The following TENM3 variants were observed in gnomAD, a reference collection of about 807,000 sequenced individuals.
TENM3 encodes teneurin transmembrane protein 3.
In TENM3, 63 loss-of-function variants were observed where a neutral mutation model predicts 255.1. The ratio of observed to expected loss-of-function variants is 0.25; its 90% CI spans 0.20 to 0.30. The LOEUF (loss-of-function observed/expected upper bound fraction) is 0.30, where lower values mean the gene tolerates loss of function less well. Ranked by LOEUF, TENM3 falls within the 10% of genes least tolerant of loss-of-function variation. TENM3 has a pLI of 1.00. For synonymous variants in TENM3, 1,306 were observed against 1,322.3 expected (o/e 0.99, Z 0.27); for missense variants, 2,929 against 3,461.1 (o/e 0.85, Z 3.86).
At chr4:181,460,072 G>C in the TENM3 span, among the ~76,000 whole-genome samples, 1 of 151,616 alleles carries the variant, frequency 6.6e-6, no homozygotes, top group African/African-American at 2.4e-5. Context: ...CATGACATTC[G>C]TTGCTACTTT....
chr4:182,630,994 G>A lies in TENM3; in HGVS notation c.988+2105G>A, dbSNP rs1000069196. ...AATGTGAGATCAGTCACTGTTACCTGTGAGACTTGTACTCTTTTTAAGGAC... is the reference window on the plus strand; with the variant it reads ...AATGTGAGATCAGTCACTGTTACCTATGAGACTTGTACTCTTTTTAAGGAC... On this transcript the variant is annotated intron_variant, in intron 5 of 27. Transcript: ENST00000511685. Among the ~76,000 whole-genome samples, 5 of 152,066 alleles carry A rather than the reference G, an allele frequency of 3.3e-5. No individual in the cohort carries two copies. The South Asian group carries it at 8.3e-4, about 25-fold the overall frequency.
At chr4:182,431,681 G>T (rs556527064) in intron 3 of TENM3, among the ~76,000 whole-genome samples, 1 of 152,236 alleles carries the variant, frequency 6.6e-6, no homozygotes, top group East Asian at 1.9e-4. Flanking sequence ...TGCCTGCAGG[G>T]GTCAGGGTGG....
chr4:182,666,429 T>A (rs1754686435), intron 6 of TENM3, among the ~76,000 whole-genome samples: 1 of 152,202 alleles, frequency 6.6e-6, no homozygotes, highest in Non-Finnish European at 1.5e-5. Flanking sequence ...TATTGTCTTA[T>A]TTTAAGAAAT....
At chr4:182,414,103 T>C (rs1770200292) in intron 3 of TENM3, among the ~76,000 whole-genome samples, 1 of 152,232 alleles carries the variant, frequency 6.6e-6, no homozygotes, top group African/African-American at 2.4e-5. Flanking sequence ...TTCTTCCAAA[T>C]TTAGTTTCTA....
At chr4:182,008,214 T>G in the TENM3 span, among the ~76,000 whole-genome samples, 1 of 152,118 alleles carries the variant, frequency 6.6e-6, no homozygotes, top group African/African-American at 2.4e-5. Flanking sequence ...GGGTTGATCT[T>G]CTCGTGGAGT....
At chr4:181,773,614 C>T in the TENM3 span, among the ~76,000 whole-genome samples, 1 of 152,198 alleles carries the variant, frequency 6.6e-6, no homozygotes, top group Non-Finnish European at 1.5e-5. Context: ...TCTCTCCACA[C>T]CACCAGTACT....
At chr4:182,508,634 A>C (rs1293296154) in intron 3 of TENM3, among the ~76,000 whole-genome samples, 1 of 152,222 alleles carries the variant, frequency 6.6e-6, no homozygotes, top group Non-Finnish European at 1.5e-5. Flanking sequence ...ATTCTGATAT[A>C]ATGATATGCA....
chr4:181,965,944 C>T, the TENM3 span, among the ~76,000 whole-genome samples: 11 of 152,162 alleles, frequency 7.2e-5, no homozygotes, highest in African/African-American at 2.7e-4. Flanking sequence ...AGGTCCCTGT[C>T]CTTTCACCTT....
At chr4:182,274,280 TAAAG>T (rs1270358872) in intron 1 of TENM3, among the ~76,000 whole-genome samples, 5 of 152,156 alleles carry the variant, frequency 3.3e-5, no homozygotes, top group African/African-American at 9.7e-5. Flanking sequence ...TTTAGTGTCA[TAAAG>T]AAAGCATTTT....
the TENM3 span, among the ~76,000 whole-genome samples, chr4:181,517,237 C>T: frequency 6.6e-6 from 1 of 152,068 alleles, no homozygotes; most frequent in Non-Finnish European, 1.5e-5. Flanking sequence ...CTTTTCAACC[C>T]ATTGCCCATT....
chr4:182,637,460 G>A (rs928340910), intron 5 of TENM3, among the ~76,000 whole-genome samples: 2 of 152,134 alleles, frequency 1.3e-5, no homozygotes, highest in African/African-American at 4.8e-5. Context: ...GGAGTTTGAG[G>A]CTGTAATGCC....
chr4:181,619,000 G>C, the TENM3 span, among the ~76,000 whole-genome samples: 1 of 152,034 alleles, frequency 6.6e-6, no homozygotes, highest in Non-Finnish European at 1.5e-5. Flanking sequence ...TGACCTTTAG[G>C]GACCACATAA....
At chr4:181,795,631 A>T in the TENM3 span, among the ~76,000 whole-genome samples, 1 of 152,174 alleles carries the variant, frequency 6.6e-6, no homozygotes, top group African/African-American at 2.4e-5. Flanking sequence ...TGGCTGATGT[A>T]ATTTGGTTGT....
At chr4:181,705,688 A>G in the TENM3 span, among the ~76,000 whole-genome samples, 2 of 152,176 alleles carry the variant, frequency 1.3e-5, no homozygotes, top group South Asian at 2.1e-4. Context: ...GCAAACCACC[A>G]TGGCACATGT....
At chr4:181,666,308 T>A in the TENM3 span, among the ~76,000 whole-genome samples, 43,351 of 151,894 alleles carry the variant, frequency 0.29, 6,346 homozygotes, top group African/African-American at 0.33. Flanking sequence ...AGTAAAAAAA[T>A]TTTCCTAAAG....
chr4:182,577,088 G>A (rs753556192), intron 3 of TENM3, among the ~76,000 whole-genome samples: 10 of 152,058 alleles, frequency 6.6e-5, no homozygotes, highest in East Asian at 1.9e-4. Flanking sequence ...TCTTTCGGTC[G>A]TCCTGAAGGC....
the TENM3 span, among the ~76,000 whole-genome samples, chr4:181,987,790 ATATCT>A: frequency 2.6e-4 from 39 of 149,884 alleles, no homozygotes; most frequent in East Asian, 2.5e-3. Flanking sequence ...ATAGAGAGAG[ATATCT>A]TTTCTTTCTG....
chr4:182,220,504 A>G (rs1388721122), intron 1 of TENM3, among the ~76,000 whole-genome samples: 2 of 151,314 alleles, frequency 1.3e-5, no homozygotes, highest in African/African-American at 4.9e-5. Context: ...ACTTCGTCCT[A>G]CAGTCTCTTC....
chr4:182,434,491 C>T (rs868369865), intron 3 of TENM3, among the ~76,000 whole-genome samples: 1 of 151,870 alleles, frequency 6.6e-6, no homozygotes. Context: ...GGTGAAACAC[C>T]GTATCTACTA....
Sources: gnomAD v4.1 joint callset for allele counts (sites outside exome capture counted in the v4.1 genomes callset) on GRCh38, gnomAD v4.1.1 for gene constraint, MANE v1.5 for transcripts, NCBI Gene and HGNC (gene_info 2026-07-23, HGNC 2026-07-21) for gene names.